The following RAPGEF6 variants were observed in gnomAD, a reference collection of about 807,000 sequenced individuals.
RAPGEF6 encodes the protein PDZ domain containing guanine nucleotide exchange factor (GEF) 2.
Under a neutral mutation model 171.4 loss-of-function variants are expected in RAPGEF6, and 56 were observed. That is an observed-to-expected ratio of 0.33 (90% CI 0.26 to 0.41). RAPGEF6 has a LOEUF of 0.41. RAPGEF6 is among the 10% of genes least tolerant of loss of function. RAPGEF6 has a pLI of 1.00. For missense variants in RAPGEF6, 1,674 were observed against 1,921.4 expected, an observed-to-expected ratio of 0.87 and a Z score of 2.41; for synonymous variants, 692 against 650.1, an observed-to-expected ratio of 1.06 and a Z score of -0.98.
chr5:131,612,584 C>T (rs1764998660), intron 1 of RAPGEF6, among the ~76,000 whole-genome samples: 1 of 152,138 alleles, frequency 6.6e-6, no homozygotes, highest in African/African-American at 2.4e-5. Flanking sequence ...GGCAGGCAGG[C>T]ACTCACAAAA....
chr5:131,464,108 C>T lies in RAPGEF6; in HGVS notation c.2413G>A (p.Val805Ile). 2 of 1,613,636 alleles carry T rather than the reference C, an allele frequency of 1.2e-6. No homozygotes were observed. Among genetic ancestry groups the T allele is most frequent in the Non-Finnish European group, 1.7e-6 (2 of 1,179,776 alleles). ...TCTGGAAGTCTTCTCTGTTTTATGA[C>T]ACCCTCAGGAGTAACAGAAACTTCA... The part of the protein sequence containing the change: ...LCEVSVTPEG[V>I]IKQRRLPDQF... The change falls in exon 18 of 28, where the codon GTC becomes ATC. Residue 805 changes from valine (V) to isoleucine (I), a missense_variant. By Grantham distance (29) the Val-to-Ile change is conservative. This residue lies in a region of RAPGEF6 where 1,116 missense variants were observed against 1,321.5 expected (regional missense o/e 0.84). Coordinates refer to ENST00000509018, the MANE Select transcript of RAPGEF6 (RefSeq NM_016340.6).
intron 16 of RAPGEF6, among the ~76,000 whole-genome samples, chr5:131,473,334 A>C (rs769049801): frequency 7.2e-5 from 11 of 152,218 alleles, no homozygotes; most frequent in Non-Finnish European, 1.5e-4. Context: ...ATTATTTCTT[A>C]TTTAATCTCT....
At chr5:131,603,649 T>C (rs1028529919) in intron 2 of RAPGEF6, among the ~76,000 whole-genome samples, 8 of 152,114 alleles carry the variant, frequency 5.3e-5, no homozygotes, top group Admixed American at 6.5e-5. Flanking sequence ...TACTGAATCC[T>C]CAGTGTGAAG....
intron 15 of RAPGEF6, among the ~76,000 whole-genome samples, chr5:131,481,676 G>A (rs1755494672): frequency 1.3e-5 from 2 of 152,256 alleles, no homozygotes. Context: ...ACATCTCCTT[G>A]GGATAAAGCA....
intron 23 of RAPGEF6, 48 bp from the exon 24 acceptor site, chr5:131,439,763 A>G (rs774475894): frequency 1.3e-6 from 2 of 1,595,496 alleles, no homozygotes; most frequent in African/African-American, 2.7e-5. Flanking sequence ...CACAATTAAA[A>G]TGTCTATAGT....
chr5:131,438,825 C>G (rs995168186), intron 24 of RAPGEF6, among the ~76,000 whole-genome samples: 1 of 152,032 alleles, frequency 6.6e-6, no homozygotes, highest in Admixed American at 6.6e-5. Flanking sequence ...TATTTTAAAT[C>G]CTAATTTTAA....
At chr5:131,546,113 A>G (rs897982927) in intron 6 of RAPGEF6, among the ~76,000 whole-genome samples, 1 of 152,216 alleles carries the variant, frequency 6.6e-6, no homozygotes, top group Non-Finnish European at 1.5e-5. Flanking sequence ...TCATGACAGG[A>G]CACCAAAAAA....
At chr5:131,464,632 T>C (rs1754198789) in intron 17 of RAPGEF6, among the ~76,000 whole-genome samples, 1 of 152,202 alleles carries the variant, frequency 6.6e-6, no homozygotes, top group African/African-American at 2.4e-5. Context: ...ATGTATTTTA[T>C]ATATTTCAAT....
chr5:131,478,491 C>T (rs758802525), intron 16 of RAPGEF6, among the ~76,000 whole-genome samples: 2 of 152,168 alleles, frequency 1.3e-5, no homozygotes, highest in South Asian at 4.1e-4. Flanking sequence ...TATTCAAGGT[C>T]CCTCATAACC....
At chr5:131,544,705 C>T (rs544054411) in intron 6 of RAPGEF6, among the ~76,000 whole-genome samples, 9 of 152,184 alleles carry the variant, frequency 5.9e-5, no homozygotes, top group South Asian at 2.1e-4. Context: ...TTTTTTGAGA[C>T]GGAGTCTCAC....
Position 131,446,394 on chromosome 5 carries a change from T to C in RAPGEF6, c.3421+89A>G, listed in dbSNP as rs554890022. 5.5e-6 allele frequency: 7 copies of C among 1,272,284 alleles called. No homozygotes were observed. In the South Asian group the frequency reaches 8.8e-5, roughly 16 times the overall value. 78.8% of individuals were successfully genotyped at this position (1,272,284 alleles called of 1,614,324 possible). On this transcript the variant is annotated intron_variant, in intron 22 of 27. Transcript: ENST00000509018. ...GCAATCTTTTGTGAGTGAAAGTTAA[T>C]TTTCTTGGGACTTAGGTATAATTCT...
At position 131,592,397 on chromosome 5, in the gene RAPGEF6, G is replaced by T; in HGVS notation, c.267C>A (p.Val89=). 2 of 1,613,864 alleles carry T rather than the reference G, an allele frequency of 1.2e-6. No homozygotes were observed. Among genetic ancestry groups the T allele is most frequent in the South Asian group, 1.1e-5 (1 of 91,048 alleles). ...TGTAAACGTACCTGCAAGGAGGCAA[G>T]ACCATGGAGCCTTTCACAAGCACAG... ...SGSVLVKGSM[V]LPPCSFGKQF... Residue 89 remains valine, a synonymous_variant, in exon 4 of 28, where the codon GTC becomes GTA. Transcript: ENST00000509018.
intron 21 of RAPGEF6, among the ~76,000 whole-genome samples, chr5:131,449,742 A>G (rs576437834): frequency 6.6e-6 from 1 of 152,342 alleles, no homozygotes; most frequent in Admixed American, 6.5e-5. Flanking sequence ...GCACATAGCA[A>G]GCACACAACA....
At chr5:131,437,452 G>A (rs1422854579) in intron 24 of RAPGEF6, among the ~76,000 whole-genome samples, 1 of 152,184 alleles carries the variant, frequency 6.6e-6, no homozygotes, top group East Asian at 1.9e-4. Flanking sequence ...GGTAAGGAGT[G>A]TAAAGGTGTT....
intron 26 of RAPGEF6, among the ~76,000 whole-genome samples, chr5:131,430,198 GTTGA>G: frequency 6.6e-6 from 1 of 152,170 alleles, no homozygotes; most frequent in Middle Eastern, 3.4e-3. Context: ...AAATTTAACA[GTTGA>G]TTATGATATT....
Position 131,603,333 on chromosome 5 carries a change from A to T in RAPGEF6, c.141-6T>A, listed in dbSNP as rs773943848. 1.6e-6 allele frequency: 2 copies of T among 1,257,830 alleles called. No homozygotes were observed. Among genetic ancestry groups the T allele is most frequent in the African/African-American group, 3.3e-5 (2 of 61,488 alleles). 77.9% of individuals were successfully genotyped at this position (1,257,830 alleles called of 1,614,324 possible). On this transcript the variant is annotated splice_region_variant and splice_polypyrimidine_tract_variant and intron_variant, in intron 2 of 27. Coordinates refer to ENST00000509018, the MANE Select transcript of RAPGEF6 (RefSeq NM_016340.6). ...GTGCTCTTGCAGACATTAATCTATTAAAAAAAAAAATTGAAGATTTTATCT... is the reference window on the plus strand; with the variant it reads ...GTGCTCTTGCAGACATTAATCTATTTAAAAAAAAAATTGAAGATTTTATCT...
At chr5:131,560,284 AG>A (rs1054006471) in intron 5 of RAPGEF6, among the ~76,000 whole-genome samples, 1 of 152,188 alleles carries the variant, frequency 6.6e-6, no homozygotes, top group African/African-American at 2.4e-5. Flanking sequence ...ACAGAACCAC[AG>A]TATGGTTATC....
At chr5:131,481,960 G>C (rs982070397) in intron 15 of RAPGEF6, among the ~76,000 whole-genome samples, 1 of 152,076 alleles carries the variant, frequency 6.6e-6, no homozygotes, top group Non-Finnish European at 1.5e-5. Context: ...CGACAGAAAA[G>C]GAAAGTAAGA....
At chr5:131,623,003 T>A (rs1395568910) in intron 1 of RAPGEF6, among the ~76,000 whole-genome samples, 1 of 152,204 alleles carries the variant, frequency 6.6e-6, no homozygotes, top group Non-Finnish European at 1.5e-5. Flanking sequence ...AAATTTTACA[T>A]TTTTTAAATT....
Sources: gnomAD v4.1 joint callset for allele counts (sites outside exome capture counted in the v4.1 genomes callset) on GRCh38, gnomAD v4.1.1 for gene constraint, gnomAD v4.1.1 regional missense constraint, MANE v1.5 for transcripts, NCBI Gene and HGNC (gene_info 2026-07-23, HGNC 2026-07-21) for gene names.